PLSCR2: variants seen among roughly 807,000 people sequenced by gnomAD.
PLSCR2 encodes phospholipid scramblase 2.
PLSCR2 carries 18 observed loss-of-function variants against 25.3 expected under a neutral mutation model. The ratio of observed to expected loss-of-function variants is 0.71; its 90% CI spans 0.49 to 1.06. The LOEUF (loss-of-function observed/expected upper bound fraction) is 1.06, where lower values mean the gene tolerates loss of function less well. Among genes scored for constraint, PLSCR2 ranks in the 50% least tolerant of loss-of-function variants. PLSCR2 has a pLI of 0.00. For missense variants in PLSCR2, 243 were observed against 269.5 expected, an observed-to-expected ratio of 0.90 and a Z score of 0.69; for synonymous variants, 88 against 87.3, an observed-to-expected ratio of 1.01 and a Z score of -0.04.
upstream of PLSCR2, among the ~76,000 whole-genome samples, chr3:146,463,035 C>T (rs944007350): frequency 6.6e-6 from 1 of 152,106 alleles, no homozygotes; most frequent in Non-Finnish European, 1.5e-5. Context: ...CCCTGTCATG[C>T]CAATCCTGAC....
chr3:146,467,217 A>C (rs1560037069), intron 1 of PLSCR2, among the ~76,000 whole-genome samples: 2 of 152,176 alleles, frequency 1.3e-5, no homozygotes, highest in African/African-American at 2.4e-5. Flanking sequence ...TTGTTTTTCA[A>C]GGAATATTGA....
intron 1 of PLSCR2, among the ~76,000 whole-genome samples, chr3:146,483,120 C>T (rs752811367): frequency 1.3e-5 from 2 of 151,796 alleles, no homozygotes; most frequent in Non-Finnish European, 2.9e-5. Flanking sequence ...AAAACCCCAT[C>T]ATCTCAGCAA....
chr3:146,489,504 T>C (rs1356825889), intron 1 of PLSCR2, among the ~76,000 whole-genome samples: 2 of 152,096 alleles, frequency 1.3e-5, no homozygotes. Context: ...AATCATGTTC[T>C]GTTCCCTCCA....
intron 1 of PLSCR2, among the ~76,000 whole-genome samples, chr3:146,489,167 G>A (rs1388727853): frequency 6.6e-6 from 1 of 151,950 alleles, no homozygotes; most frequent in Non-Finnish European, 1.5e-5. Context: ...GGCATGTTGG[G>A]GCAGTAGTAG....
intron 2 of PLSCR2, among the ~76,000 whole-genome samples, chr3:146,408,789 G>A (rs2038743639): frequency 6.6e-6 from 1 of 152,126 alleles, no homozygotes; most frequent in Non-Finnish European, 1.5e-5. Flanking sequence ...TCTTAGACAA[G>A]TTTATGGGTT....
chr3:146,482,174 T>C (rs534900267), intron 1 of PLSCR2, among the ~76,000 whole-genome samples: 29 of 152,284 alleles, frequency 1.9e-4, no homozygotes, highest in African/African-American at 7.0e-4. Flanking sequence ...GGGCAAGGAC[T>C]TCATGACTAA....
At chr3:146,412,577 C>T (rs1434735220) in intron 2 of PLSCR2, among the ~76,000 whole-genome samples, 4 of 152,104 alleles carry the variant, frequency 2.6e-5, no homozygotes, top group Admixed American at 1.3e-4. Flanking sequence ...TTGTTACAAA[C>T]AAATTTTCGG....
At chr3:146,487,087 T>C (rs1041761775) in intron 1 of PLSCR2, among the ~76,000 whole-genome samples, 9 of 151,984 alleles carry the variant, frequency 5.9e-5, no homozygotes, top group South Asian at 4.1e-4. Flanking sequence ...TCAATAGACA[T>C]AGAAAAGGCC....
At chr3:146,443,773 A>G (rs553516276) in intron 6 of PLSCR2, among the ~76,000 whole-genome samples, 38 of 151,294 alleles carry the variant, frequency 2.5e-4, no homozygotes, top group Non-Finnish European at 1.0e-4. Flanking sequence ...TTTGCTCTGA[A>G]CTTTATTATT....
downstream of PLSCR2, among the ~76,000 whole-genome samples, chr3:146,438,380 A>C (rs2108205083): frequency 6.6e-6 from 1 of 152,286 alleles, no homozygotes; most frequent in Middle Eastern, 3.4e-3. Flanking sequence ...GGGGTGTTAA[A>C]GTCTCCCATT....
intron 2 of PLSCR2, among the ~76,000 whole-genome samples, chr3:146,396,370 C>G (rs563426445): frequency 1.3e-5 from 2 of 151,988 alleles, no homozygotes; most frequent in Non-Finnish European, 2.9e-5. Flanking sequence ...ATTTCTCATA[C>G]CAACTCATAC....
At chr3:146,425,436 T>C (rs1313221801) in intron 2 of PLSCR2, among the ~76,000 whole-genome samples, 3 of 152,184 alleles carry the variant, frequency 2.0e-5, no homozygotes, top group African/African-American at 7.2e-5. Context: ...TGGCAAGTCA[T>C]ATGTAGAGTT....
chr3:146,486,480 A>G (rs1458055703), intron 1 of PLSCR2, among the ~76,000 whole-genome samples: 1 of 152,046 alleles, frequency 6.6e-6, no homozygotes. Flanking sequence ...AAAAATGATA[A>G]AGGGGATATC....
chr3:146,443,733 GTTTT>G (rs1029447588), intron 6 of PLSCR2, among the ~76,000 whole-genome samples: 2 of 150,926 alleles, frequency 1.3e-5, no homozygotes, highest in South Asian at 4.2e-4. Flanking sequence ...ATCTTTTTGT[GTTTT>G]TTTATTTCAA....
chr3:146,393,060 G>A (rs1170656672), intron 3 of PLSCR2, among the ~76,000 whole-genome samples: 3 of 117,288 alleles, frequency 2.6e-5, no homozygotes, highest in African/African-American at 6.6e-5. Context: ...ACAGAGTCTC[G>A]CTCTGTTGTC....
At chr3:146,406,583 T>C (rs1423349692) in intron 2 of PLSCR2, among the ~76,000 whole-genome samples, 1 of 151,892 alleles carries the variant, frequency 6.6e-6, no homozygotes, top group Non-Finnish European at 1.5e-5. Flanking sequence ...AACAAACAAG[T>C]GAGGTAGATA....
downstream of PLSCR2, chr3:146,441,689 A>C: frequency 2.6e-6 from 2 of 770,154 alleles, no homozygotes; most frequent in South Asian, 3.5e-5. Context: ...AAGAAAAGAA[A>C]AAAACACTGA....
intron 2 of PLSCR2, among the ~76,000 whole-genome samples, chr3:146,402,868 C>T (rs1385418452): frequency 6.6e-6 from 1 of 152,048 alleles, no homozygotes; most frequent in African/African-American, 2.4e-5. Context: ...TGTTTCTATC[C>T]TGTGCCAACA....
chr3:146,412,947 A>G (rs1255195715), intron 2 of PLSCR2, among the ~76,000 whole-genome samples: 1 of 152,198 alleles, frequency 6.6e-6, no homozygotes, highest in Non-Finnish European at 1.5e-5. Context: ...ACTGATTAGA[A>G]CTGGCAGGAA....
Sources: allele counts gnomAD v4.1 joint callset (sites outside exome capture counted in the v4.1 genomes callset), GRCh38; gene constraint gnomAD v4.1.1; transcripts MANE v1.5; gene names NCBI Gene and HGNC (gene_info 2026-07-23, HGNC 2026-07-21).